Variants in XRN2 observed in about 807,000 individuals in gnomAD.
The protein encoded by XRN2 is 5'-3' exoribonuclease 2, also known as DHM1-like protein.
Under a neutral mutation model 138.5 loss-of-function variants are expected in XRN2, and 44 were observed. The ratio of observed to expected loss-of-function variants is 0.32; its 90% CI spans 0.25 to 0.41. XRN2 has a LOEUF of 0.41. XRN2 is among the 10% of genes least tolerant of loss of function. The probability of loss-of-function intolerance (pLI) is 1.00; values close to 1 mark genes in which losing one functional copy is unlikely to be tolerated. For synonymous variants in XRN2, 354 were observed against 369.4 expected, an observed-to-expected ratio of 0.96 and a Z score of 0.48; for missense variants, 937 against 1,169.3, an observed-to-expected ratio of 0.80 and a Z score of 2.90.
intron 20 of XRN2, among the ~76,000 whole-genome samples, chr20:21,353,145 T>A (rs1022335282): frequency 4.1e-5 from 6 of 145,612 alleles, no homozygotes; most frequent in Admixed American, 2.8e-4. Context: ...TATATAATAT[T>A]TAATATTTAA....
At chr20:21,325,436 A>G (rs2038111104) in intron 1 of XRN2, among the ~76,000 whole-genome samples, 1 of 152,254 alleles carries the variant, frequency 6.6e-6, no homozygotes, top group South Asian at 2.1e-4. Context: ...CTACAAGTGA[A>G]TAAGCAAAAT....
At chr20:21,319,734 T>C (rs2038011513) in intron 1 of XRN2, among the ~76,000 whole-genome samples, 1 of 152,136 alleles carries the variant, frequency 6.6e-6, no homozygotes, top group Non-Finnish European at 1.5e-5. Context: ...ATTATTGTTA[T>C]ATATATTACA....
chr20:21,373,798 G>A (rs927306456), intron 27 of XRN2, among the ~76,000 whole-genome samples: 2 of 152,084 alleles, frequency 1.3e-5, no homozygotes, highest in African/African-American at 2.4e-5. Flanking sequence ...TAGTGTTCAA[G>A]GTTTGTGTGG....
Position 21,346,514 on chromosome 20 carries a change from T to A in XRN2, c.1629T>A (p.Val543=). The A allele has an allele frequency of 6.2e-7, 1 of 1,614,100 alleles. No homozygotes were observed. Among genetic ancestry groups the A allele is most frequent in the South Asian group, 1.1e-5 (1 of 91,074 alleles). The part of the protein sequence containing the change: ...KFRRKVVQSY[V]EGLCWVLRYY... ...GTCGGAAAGTTGTGCAGTCGTACGT[T>A]GAAGGACTTTGCTGGGTTCTTAGAT... The change falls in exon 17 of 30, where the codon GTT becomes GTA. Residue 543 remains valine, a synonymous_variant. Transcript: ENST00000377191.
intron 27 of XRN2, among the ~76,000 whole-genome samples, chr20:21,380,342 GA>G (rs988752354): frequency 6.6e-6 from 1 of 152,136 alleles, no homozygotes; most frequent in Admixed American, 6.6e-5. Flanking sequence ...ACTTTCAGTA[GA>G]TTACTTTCTC....
At chr20:21,320,911 A>G (rs2122186725) in intron 1 of XRN2, among the ~76,000 whole-genome samples, 1 of 152,290 alleles carries the variant, frequency 6.6e-6, no homozygotes, top group African/African-American at 2.4e-5. Context: ...AGCCATCTTA[A>G]TCCCGAGTTT....
intron 28 of XRN2, among the ~76,000 whole-genome samples, chr20:21,383,301 T>G (rs1311209687): frequency 1.3e-5 from 2 of 152,180 alleles, no homozygotes; most frequent in African/African-American, 4.8e-5. Flanking sequence ...AGGGGTAAAT[T>G]TTTCCTAAAT....
At chr20:21,361,692 A>T (rs1382384288) in intron 24 of XRN2, among the ~76,000 whole-genome samples, 2 of 152,218 alleles carry the variant, frequency 1.3e-5, no homozygotes, top group African/African-American at 4.8e-5. Flanking sequence ...AGACATGAAA[A>T]AAATAAAAGA....
At chr20:21,380,257 C>T (rs2038868838) in intron 27 of XRN2, among the ~76,000 whole-genome samples, 1 of 152,100 alleles carries the variant, frequency 6.6e-6, no homozygotes. Context: ...TGAAATACTT[C>T]TGGGAACATT....
chr20:21,354,531 T>C (rs1314926871), intron 20 of XRN2, among the ~76,000 whole-genome samples: 1 of 152,198 alleles, frequency 6.6e-6, no homozygotes, highest in African/African-American at 2.4e-5. Context: ...TTTATCACCA[T>C]GGAGTTAAGA....
chr20:21,349,562 G>A, intron 20 of XRN2, 101 bp downstream of exon 20: 1 of 1,002,042 alleles, frequency 1.0e-6, no homozygotes, highest in Non-Finnish European at 1.5e-6. Context: ...GGGCAACATG[G>A]TGAAATCTCA....
Position 21,321,301 on chromosome 20 carries a change from C to CTGTGTG in XRN2, c.76-4934_76-4929dup, listed in dbSNP as rs61188840. ...TATAGTTATGAGCCACTGTGCCTGGCTGTGTGTGTGTGTGTGTGTGTGTGT... is the reference window on the plus strand; with the variant it reads ...TATAGTTATGAGCCACTGTGCCTGGCTGTGTGTGTGTGTGTGTGTGTGTGTGTGTGT... On this transcript the variant is annotated intron_variant, in intron 1 of 29. Coordinates refer to ENST00000377191, the MANE Select transcript of XRN2 (RefSeq NM_012255.5). Among the ~76,000 whole-genome samples the CTGTGTG allele has an allele frequency of 2.7e-3, 325 of 121,514 alleles. 2 individuals are homozygous for CTGTGTG. Among genetic ancestry groups the CTGTGTG allele is most frequent in the Non-Finnish European group, 3.4e-3 (198 of 58,174 alleles). 79.7% of individuals were successfully genotyped at this position (121,514 alleles called of 152,430 possible).
chr20:21,321,240 C>G (rs541513448), intron 1 of XRN2, among the ~76,000 whole-genome samples: 104 of 151,064 alleles, frequency 6.9e-4, no homozygotes, highest in African/African-American at 2.5e-3. Context: ...CTCCTGGGCT[C>G]AAGTGCTCTG....
At chr20:21,377,923 C>G (rs1485334742) in intron 27 of XRN2, among the ~76,000 whole-genome samples, 1 of 152,144 alleles carries the variant, frequency 6.6e-6, no homozygotes, top group Non-Finnish European at 1.5e-5. Flanking sequence ...GCTGTCACGG[C>G]TTCGAGAGCA....
chr20:21,331,729 T>A (rs1032863092), intron 7 of XRN2, 39 bp from the exon 8 acceptor site: 23 of 1,586,780 alleles, frequency 1.4e-5, no homozygotes, highest in Non-Finnish European at 1.8e-5. Context: ...TTGTGGTATA[T>A]AATATATTAA....
Position 21,332,423 on chromosome 20 carries a change from A to G in XRN2, c.841A>G (p.Arg281Gly), listed in dbSNP as rs750170780. Residue 281 changes from arginine (R) to glycine (G), a missense_variant, in exon 9 of 30, where the codon AGA (arginine) becomes GGA (glycine). Around this residue, in one of 6 missense-constraint regions of XRN2, gnomAD observed 471 missense variants for 581.2 expected, o/e 0.81. Coordinates refer to ENST00000377191, the MANE Select transcript of XRN2 (RefSeq NM_012255.5). ...GGTCAAAGATTGTGAAGGTTTGCCAAGAGAAAAGAAGGGAAAGGTAAGAAC... is the reference window on the plus strand; with the variant it reads ...GGTCAAAGATTGTGAAGGTTTGCCAGGAGAAAAGAAGGGAAAGGTAAGAAC... The part of the protein sequence containing the change: ...HEVKDCEGLP[R>G]EKKGKHDELA... 3.4e-5 allele frequency: 55 copies of G among 1,609,090 alleles called. No homozygotes were observed. Among genetic ancestry groups the G allele is most frequent in the Non-Finnish European group, 4.3e-5 (51 of 1,178,046 alleles).
chr20:21,356,251 A>G, intron 22 of XRN2, 74 bp downstream of exon 22: 1 of 1,122,484 alleles, frequency 8.9e-7, no homozygotes, highest in Non-Finnish European at 1.3e-6. Flanking sequence ...CATAAAATTT[A>G]CCATTATAAC....
At chr20:21,340,641 C>A in intron 14 of XRN2, 80 bp from the exon 15 acceptor site, 1 of 1,511,154 alleles carries the variant, frequency 6.6e-7, no homozygotes, top group Non-Finnish European at 9.0e-7. Flanking sequence ...GGACTTTATT[C>A]CATTGCCCTT....
chr20:21,325,428 A>G (rs868372851), intron 1 of XRN2, among the ~76,000 whole-genome samples: 2 of 152,230 alleles, frequency 1.3e-5, no homozygotes, highest in African/African-American at 2.4e-5. Context: ...TGGAAGTGCT[A>G]CAAGTGAATA....
Sources: allele counts gnomAD v4.1 joint callset (sites outside exome capture counted in the v4.1 genomes callset), GRCh38; gene constraint gnomAD v4.1.1; regional missense constraint gnomAD v4.1.1; transcripts MANE v1.5; gene names NCBI Gene and HGNC (gene_info 2026-07-23, HGNC 2026-07-21).